RAB38: variants seen among roughly 807,000 people sequenced by gnomAD.
The protein encoded by RAB38 is RAB38, member RAS oncogene family, also known as ras-related protein Rab-38.
Under a neutral mutation model 18.4 loss-of-function variants are expected in RAB38, and 15 were observed. The observed-to-expected ratio is 0.82, with a 90% CI of 0.55 to 1.26. The LOEUF (loss-of-function observed/expected upper bound fraction) is 1.26, where lower values mean the gene tolerates loss of function less well. Among genes scored for constraint, RAB38 ranks in the 50% most tolerant of loss-of-function variants. The pLI is 0.00. For synonymous variants in RAB38, 101 were observed against 104.4 expected, an observed-to-expected ratio of 0.97 and a Z score of 0.20; for missense variants, 294 against 267.4, an observed-to-expected ratio of 1.10 and a Z score of -0.69.
the RAB38 span, among the ~76,000 whole-genome samples, chr11:88,072,696 T>C: frequency 1.3e-4 from 20 of 152,076 alleles, no homozygotes; most frequent in Non-Finnish European, 2.6e-4. Flanking sequence ...TGAATATTTA[T>C]GACTGAGCGA....
chr11:87,825,525 G>A, the RAB38 span, among the ~76,000 whole-genome samples: 2 of 151,984 alleles, frequency 1.3e-5, no homozygotes, highest in African/African-American at 2.4e-5. Flanking sequence ...TCCTTCTCTT[G>A]GAAGGAAACC....
chr11:87,860,987 T>C, the RAB38 span, among the ~76,000 whole-genome samples: 651 of 152,012 alleles, frequency 4.3e-3, 5 homozygotes, highest in African/African-American at 0.014. Context: ...AGAACAAAAA[T>C]CAAATTTATG....
At chr11:87,823,438 C>T in the RAB38 span, among the ~76,000 whole-genome samples, 1 of 150,594 alleles carries the variant, frequency 6.6e-6, no homozygotes, top group South Asian at 2.1e-4. Context: ...TATGAAAATT[C>T]AATGGATGTA....
chr11:87,876,612 A>T, the RAB38 span, among the ~76,000 whole-genome samples: 1 of 151,472 alleles, frequency 6.6e-6, no homozygotes, highest in Admixed American at 6.6e-5. Flanking sequence ...GCCTAGTTTG[A>T]GTCTATGTCT....
the RAB38 span, among the ~76,000 whole-genome samples, chr11:87,976,965 C>A: frequency 7.6e-5 from 2 of 26,274 alleles, 1 homozygote; most frequent in Non-Finnish European, 1.3e-4. Flanking sequence ...TTACATTATA[C>A]AAGTATATTA....
chr11:88,126,428 T>C (rs913471258), intron 2 of RAB38, among the ~76,000 whole-genome samples: 1 of 152,144 alleles, frequency 6.6e-6, no homozygotes, highest in Non-Finnish European at 1.5e-5. Flanking sequence ...GAAACCATCC[T>C]TCTCAGCAAA....
At chr11:87,872,010 A>G in the RAB38 span, among the ~76,000 whole-genome samples, 1 of 151,584 alleles carries the variant, frequency 6.6e-6, no homozygotes, top group East Asian at 2.0e-4. Flanking sequence ...CAAAGAACAG[A>G]ACTCCAGAGT....
the RAB38 span, among the ~76,000 whole-genome samples, chr11:87,885,537 C>G: frequency 6.6e-6 from 1 of 152,014 alleles, no homozygotes; most frequent in African/African-American, 2.4e-5. Context: ...TAAACACATG[C>G]AATGCCTGAC....
At chr11:87,944,273 CAAACAAAA>C in the RAB38 span, among the ~76,000 whole-genome samples, 1 of 151,974 alleles carries the variant, frequency 6.6e-6, no homozygotes, top group Non-Finnish European at 1.5e-5. Context: ...CAATTGCAAA[CAAACAAAA>C]AAACAAAAAG....
At position 88,175,276 on chromosome 11, in the gene RAB38, G is replaced by T; in HGVS notation, c.109C>A (p.His37Asn). 6.2e-7 allele frequency: 1 copy of T among 1,614,190 alleles called. No homozygotes were observed. ...TCCACGCCGATTGTGGCCCGGTAGTGCGAAGAGAAGTTCTGGTGCACGTAG... is the reference window on the plus strand; with the variant it reads ...TCCACGCCGATTGTGGCCCGGTAGTTCGAAGAGAAGTTCTGGTGCACGTAG... ...KRYVHQNFSS[H>N]YRATIGVDFA... is the part of the protein sequence containing the mutation. Residue 37 changes from histidine to asparagine, a missense_variant, in exon 1 of 3, where the codon CAC becomes AAC. His to Asn is a moderately conservative substitution (Grantham distance 68). Coordinates refer to ENST00000243662, the MANE Select transcript of RAB38 (RefSeq NM_022337.3).
At chr11:87,868,751 G>GAC in the RAB38 span, among the ~76,000 whole-genome samples, 1 of 151,636 alleles carries the variant, frequency 6.6e-6, no homozygotes, top group Non-Finnish European at 1.5e-5. Flanking sequence ...AGTTGTTGGG[G>GAC]ACATAATTGT....
intron 2 of RAB38, among the ~76,000 whole-genome samples, chr11:88,129,694 A>G (rs1260005337): frequency 6.6e-6 from 1 of 152,190 alleles, no homozygotes; most frequent in Non-Finnish European, 1.5e-5. Flanking sequence ...TAATGAGCCA[A>G]TTCTATAGAC....
the RAB38 span, among the ~76,000 whole-genome samples, chr11:87,812,289 C>T: frequency 0.044 from 6,711 of 151,970 alleles, 290 homozygotes; most frequent in Admixed American, 0.13. Context: ...TGGGGATGCT[C>T]TGATTGCCCT....
At chr11:88,083,299 T>C in the RAB38 span, among the ~76,000 whole-genome samples, 2 of 151,890 alleles carry the variant, frequency 1.3e-5, no homozygotes, top group African/African-American at 2.4e-5. Context: ...TACATAATAA[T>C]ATGTGCATTA....
chr11:87,810,502 G>T, the RAB38 span, among the ~76,000 whole-genome samples: 1 of 152,090 alleles, frequency 6.6e-6, no homozygotes, highest in Non-Finnish European at 1.5e-5. Context: ...CTATTATTTT[G>T]TGTTATTCAA....
chr11:87,876,318 A>G, the RAB38 span, among the ~76,000 whole-genome samples: 1,196 of 151,500 alleles, frequency 7.9e-3, 8 homozygotes, highest in Middle Eastern at 0.014. Context: ...CATGATGATG[A>G]CTCCTTACCA....
chr11:87,868,829 T>G, the RAB38 span, among the ~76,000 whole-genome samples: 1 of 151,540 alleles, frequency 6.6e-6, no homozygotes, highest in Non-Finnish European at 1.5e-5. Context: ...GTTGCCTCCT[T>G]CTCAGGAGAA....
chr11:87,962,603 C>G, the RAB38 span, among the ~76,000 whole-genome samples: 1 of 152,046 alleles, frequency 6.6e-6, no homozygotes, highest in Non-Finnish European at 1.5e-5. Context: ...AAAGAAATGC[C>G]TTAAGTTTTC....
the RAB38 span, among the ~76,000 whole-genome samples, chr11:87,829,124 C>T: frequency 2.0e-5 from 3 of 152,162 alleles, no homozygotes; most frequent in Non-Finnish European, 2.9e-5. Flanking sequence ...CATTTTAGAA[C>T]ACTCCTGCAA....
Sources: allele counts gnomAD v4.1 joint callset (sites outside exome capture counted in the v4.1 genomes callset), GRCh38; gene constraint gnomAD v4.1.1; transcripts MANE v1.5; gene names NCBI Gene and HGNC (gene_info 2026-07-23, HGNC 2026-07-21).